ATP11B: variants seen among roughly 807,000 people sequenced by gnomAD.
ATP11B encodes phospholipid-transporting ATPase IF.
ATP11B carries 81 observed loss-of-function variants against 157.8 expected under a neutral mutation model. The ratio of observed to expected loss-of-function variants is 0.51; its 90% confidence interval spans 0.43 to 0.62. ATP11B has a LOEUF of 0.62. Ranked by LOEUF, ATP11B falls within the 20% of genes least tolerant of loss-of-function variation. ATP11B has a pLI of 0.00. For synonymous variants in ATP11B, 451 were observed against 469.4 expected (o/e 0.96, Z 0.51); for missense variants, 1,165 against 1,402.2 (o/e 0.83, Z 2.70).
At position 182,834,570 on chromosome 3, in the gene ATP11B, A is replaced by G. The variant is rs527877678; in HGVS notation, c.316-1465A>G. 1.1e-3 allele frequency among the ~76,000 whole-genome samples: 160 copies of G among 152,048 alleles called. 2 individuals are homozygous for G. The highest frequency in any genetic ancestry group is 3.5e-3 in the African/African-American group (147 of 41,480). On this transcript the variant is annotated intron_variant, in intron 4 of 29. Transcript: ENST00000323116. ...CTGTACCTTACCTTTTTATTCACTT[A>G]CTCTTTCTTAGATATGATTCCATTA...
chr3:182,829,613 A>G (rs769083208), intron 3 of ATP11B, 59 bp from the exon 4 acceptor site: 45 of 1,149,512 alleles, frequency 3.9e-5, no homozygotes, highest in Non-Finnish European at 5.4e-5. Flanking sequence ...TTAGATGTTA[A>G]TAGTGTGATG....
rs1721849926 is a variant in ATP11B at position 182,873,977 on chromosome 3, C to T, written c.2214C>T (p.Asp738=). Residue 738 remains aspartate, a synonymous_variant, in exon 19 of 30, where the codon GAC becomes GAT. Transcript: ENST00000323116. ...NILELINQKS[D]SECAEQLRQL... ...TTGAACTTATAAACCAGAAATCAGACAGCGAGTGTGCTGAACAATTGAGGC... is the reference window on the plus strand; with the variant it reads ...TTGAACTTATAAACCAGAAATCAGATAGCGAGTGTGCTGAACAATTGAGGC... 1.9e-6 allele frequency: 3 copies of T among 1,613,934 alleles called. No individual in the cohort carries two copies. Among genetic ancestry groups the T allele is most frequent in the African/African-American group, 1.3e-5 (1 of 74,914 alleles).
At chr3:182,916,860 T>G in intron 29 of ATP11B, 1 of 983,056 alleles carries the variant, frequency 1.0e-6, no homozygotes, top group Non-Finnish European at 1.2e-6. Context: ...ATAGCTGTTA[T>G]AGTTAAAAGT....
intron 1 of ATP11B, among the ~76,000 whole-genome samples, chr3:182,807,030 A>T (rs1485445579): frequency 1.0e-5 from 1 of 97,182 alleles, no homozygotes; most frequent in Admixed American, 1.1e-4. Flanking sequence ...AAGCTTGGCT[A>T]AGTATTAATT....
intron 14 of ATP11B, 42 bp from the exon 15 acceptor site, chr3:182,867,334 A>G: frequency 3.4e-6 from 4 of 1,171,854 alleles, no homozygotes; most frequent in Non-Finnish European, 5.1e-6. Context: ...AATATGCAGT[A>G]TTATTTCTTA....
chr3:182,898,869 AATTAGCC>A (rs1723752430), intron 28 of ATP11B, 97 bp downstream of exon 28: 2 of 824,230 alleles, frequency 2.4e-6, no homozygotes, highest in Non-Finnish European at 3.4e-6. Context: ...GAAAATAGGA[AATTAGCC>A]ATTCCTGTTT....
chr3:182,818,370 G>A (rs963912417), intron 1 of ATP11B, among the ~76,000 whole-genome samples: 6 of 152,188 alleles, frequency 3.9e-5, no homozygotes, highest in Non-Finnish European at 7.3e-5. Flanking sequence ...GACACTTTAT[G>A]AGGAAAATAA....
intron 20 of ATP11B, among the ~76,000 whole-genome samples, chr3:182,880,325 A>T (rs1184472297): frequency 2.0e-5 from 3 of 152,180 alleles, no homozygotes; most frequent in African/African-American, 7.2e-5. Context: ...TACAGTACTG[A>T]TACTATGACA....
intron 10 of ATP11B, among the ~76,000 whole-genome samples, chr3:182,850,074 G>A (rs750678437): frequency 2.0e-5 from 3 of 152,170 alleles, no homozygotes; most frequent in Non-Finnish European, 4.4e-5. Flanking sequence ...CAGAAACAAC[G>A]GAGGACATTG....
In ATP11B at chr3:182,807,453, A is replaced by C. The variant is rs114511435; in HGVS notation, c.28-12807A>C. Among the ~76,000 whole-genome samples the C allele has an allele frequency of 2.0e-3, 307 of 152,352 alleles. 1 individual carries two copies. Among genetic ancestry groups the C allele is most frequent in the African/African-American group, 7.0e-3 (292 of 41,586 alleles). On this transcript the variant is annotated intron_variant, in intron 1 of 29. Transcript: ENST00000323116. ...TATCTTAATGTGTATCTCCTCTTAC[A>C]CATGTTATATAGTGTAAATGGCAAT... is the stretch of plus-strand genomic sequence containing the variant.
At chr3:182,854,468 C>T (rs910781757) in intron 10 of ATP11B, among the ~76,000 whole-genome samples, 7 of 126,724 alleles carry the variant, frequency 5.5e-5, no homozygotes, top group African/African-American at 7.6e-5. Flanking sequence ...GAAACTCCAT[C>T]TAAAAAAACA....
In ATP11B at chr3:182,811,622, A is replaced by G. The variant is rs933857422; in HGVS notation, c.28-8638A>G. On this transcript the variant is annotated intron_variant, in intron 1 of 29. Coordinates refer to ENST00000323116, the MANE Select transcript of ATP11B (RefSeq NM_014616.3). ...ATAGAACTAGTACATACAGTTTTCT[A>G]TATGAGAATAGCAACCAATCGGAAA... 3.3e-5 allele frequency among the ~76,000 whole-genome samples: 5 copies of G among 152,198 alleles called. No individual in the cohort carries two copies. The South Asian group carries it at 6.2e-4, about 19-fold the overall frequency.
In ATP11B at chr3:182,847,872, C is replaced by G. The variant is rs145743187; in HGVS notation, c.770-604C>G. On this transcript the variant is annotated intron_variant, in intron 9 of 29. Transcript: ENST00000323116. ...GCAAAGTTTTTTGATAAGCTGGTCT[C>G]ACCTAATTCCATTTGTTGTCCAGTT... is the stretch of plus-strand genomic sequence containing the variant. Among the ~76,000 whole-genome samples the G allele has an allele frequency of 3.3e-3, 501 of 152,338 alleles. 6 individuals are homozygous for G. Among genetic ancestry groups the G allele is most frequent in the African/African-American group, 0.012 (485 of 41,580 alleles).
chr3:182,863,701 G>A (rs1440242980), intron 12 of ATP11B, among the ~76,000 whole-genome samples: 1 of 151,284 alleles, frequency 6.6e-6, no homozygotes, highest in Non-Finnish European at 1.5e-5. Flanking sequence ...TAAACTTCTT[G>A]ATTTTATATA....
chr3:182,827,345 C>T (rs1717791790), intron 2 of ATP11B, among the ~76,000 whole-genome samples: 1 of 151,998 alleles, frequency 6.6e-6, no homozygotes, highest in Admixed American at 6.6e-5. Context: ...AGTGCTTCTT[C>T]AGTATGTTAG....
chr3:182,859,466 AACCCCCCTTTGCTCC>A, intron 12 of ATP11B, 107 bp downstream of exon 12: 5 of 969,966 alleles, frequency 5.2e-6, no homozygotes, highest in Non-Finnish European at 7.2e-6. Context: ...TACCAAAAAC[AACCCCCCTTTGCTCC>A]ACTCCTAGCT....
chr3:182,890,560 T>G (rs1723108559), intron 25 of ATP11B, among the ~76,000 whole-genome samples: 1 of 152,180 alleles, frequency 6.6e-6, no homozygotes, highest in African/African-American at 2.4e-5. Context: ...TGTAGAGGCC[T>G]TAACCTTGCA....
chr3:182,827,197 A>C (rs370758629), intron 2 of ATP11B, among the ~76,000 whole-genome samples: 4 of 152,154 alleles, frequency 2.6e-5, no homozygotes, highest in East Asian at 1.9e-4. Flanking sequence ...TCATGTATGA[A>C]GTTATGTTGT....
chr3:182,820,740 G>T (rs1717287796), intron 2 of ATP11B, among the ~76,000 whole-genome samples: 1 of 152,158 alleles, frequency 6.6e-6, no homozygotes. Flanking sequence ...ATGTGTGTGT[G>T]TGTATTTATT....
Sources: gnomAD v4.1 joint callset for allele counts (sites outside exome capture counted in the v4.1 genomes callset) on GRCh38, gnomAD v4.1.1 for gene constraint, MANE v1.5 for transcripts, NCBI Gene and HGNC (gene_info 2026-07-23, HGNC 2026-07-21) for gene names.